The following CCNL2 variants were observed in gnomAD, a reference collection of about 807,000 sequenced individuals.
CCNL2 encodes the protein cyclin L2, also known as cyclin-L2.
Under a neutral mutation model 59.1 loss-of-function variants are expected in CCNL2, and 28 were observed. That is an observed-to-expected ratio of 0.47 (90% CI 0.35 to 0.65). CCNL2 has a LOEUF of 0.65. Ranked by LOEUF, CCNL2 falls within the 30% of genes least tolerant of loss-of-function variation. CCNL2 has a pLI of 0.00. For synonymous variants in CCNL2, 342 were observed against 288.6 expected, an observed-to-expected ratio of 1.19 and a Z score of -1.88; for missense variants, 714 against 717.4, an observed-to-expected ratio of 1.00 and a Z score of 0.05.
At chr1:1,392,532 A>G in intron 5 of CCNL2, 1 of 1,369,474 alleles carries the variant, frequency 7.3e-7, no homozygotes, top group Non-Finnish European at 9.4e-7. Flanking sequence ...TCATACAGGT[A>G]CAGCAGTTTT....
chr1:1,385,734 C>T lies in CCNL2; in HGVS notation c.*1497G>A, dbSNP rs1485349866. 1 of 152,230 alleles carries T rather than the reference C, an allele frequency of 6.6e-6. No individual in the cohort carries two copies. The highest frequency in any genetic ancestry group is 1.5e-5 in the Non-Finnish European group (1 of 68,046). The allele number at this position is 152,230 out of a possible 1,614,324, so 9.4% of individuals were successfully genotyped here. On this transcript the variant is annotated 3_prime_UTR_variant, in exon 11 of 11. Coordinates refer to ENST00000400809, the MANE Select transcript of CCNL2 (RefSeq NM_030937.6). ...TCTGGCCTTAAATGGTTCTTTATGT[C>T]ATAATAATATTTTACAATTATTTAG...
intron 8 of CCNL2, chr1:1,389,389 G>A (rs1644642772): frequency 1.3e-5 from 2 of 152,406 alleles, no homozygotes. Context: ...ACTGCAGACA[G>A]GCCCTTTGCA....
At chr1:1,398,989 T>G in intron 1 of CCNL2, 30 bp downstream of exon 1, 1 of 1,570,472 alleles carries the variant, frequency 6.4e-7, no homozygotes, top group Non-Finnish European at 8.6e-7. Flanking sequence ...AGCGGTTACC[T>G]GGGCCGGAGG....
At position 1,388,056 on chromosome 1, in the gene CCNL2, G is replaced by A; in HGVS notation, c.1016C>T (p.Pro339Leu). The change falls in exon 9 of 11, where the codon CCC becomes CTC. Residue 339 changes from proline to leucine, a missense_variant. This residue lies in a region of CCNL2 where 403 missense variants were observed against 377.7 expected (regional missense o/e 1.07). Transcript: ENST00000400809. ...FSPAPKLVESPKEGKGSKPSP... is the reference protein window; with the variant it reads ...FSPAPKLVESLKEGKGSKPSP... ...AGGCTTGCTCCCTTTACCTTCTTTG[G>A]GGGATTCCACTAGAATCAGAACAAG... 6.2e-7 allele frequency: 1 copy of A among 1,613,064 alleles called. No individual in the cohort carries two copies. The highest frequency in any genetic ancestry group is 8.5e-7 in the Non-Finnish European group (1 of 1,179,304).
At chr1:1,391,090 A>AT in intron 5 of CCNL2, 3 of 1,094,368 alleles carry the variant, frequency 2.7e-6, no homozygotes, top group South Asian at 2.6e-5. Context: ...AGAAATTATT[A>AT]GAAAAAAAAA....
In CCNL2 at chr1:1,388,062, T is replaced by C. The variant is rs1190159400; in HGVS notation, c.1010A>G (p.Glu337Gly). The change falls in exon 9 of 11, where the codon GAA becomes GGA. Residue 337 changes from glutamate (E) to glycine (G), a missense_variant. Physicochemically the swap from Glu to Gly is moderately conservative, Grantham distance 98. Around this residue, in one of 5 missense-constraint regions of CCNL2, gnomAD observed 403 missense variants for 377.7 expected, o/e 1.07. Transcript: ENST00000400809. ...SGFSPAPKLV[E>G]SPKEGKGSKP... ...GCTCCCTTTACCTTCTTTGGGGGAT[T>C]CCACTAGAATCAGAACAAGAGGTTA... 1 of 1,611,826 alleles carries C rather than the reference T, an allele frequency of 6.2e-7. No homozygotes were observed. The highest frequency in any genetic ancestry group is 8.5e-7 in the Non-Finnish European group (1 of 1,178,212).
At chr1:1,397,401 C>G (rs1474830848) in intron 3 of CCNL2, among the ~76,000 whole-genome samples, 1 of 152,142 alleles carries the variant, frequency 6.6e-6, no homozygotes, top group Non-Finnish European at 1.5e-5. Context: ...CTCAAGCAAA[C>G]CTCCTTTTTC....
chr1:1,390,698 TA>T, intron 6 of CCNL2, 67 bp downstream of exon 6: 8 of 1,523,836 alleles, frequency 5.2e-6, no homozygotes, highest in Non-Finnish European at 7.3e-6. Context: ...AATAACACAG[TA>T]AAGTTTACTG....
chr1:1,391,498 G>A, intron 5 of CCNL2: 3 of 1,295,968 alleles, frequency 2.3e-6, no homozygotes, highest in Non-Finnish European at 3.0e-6. Context: ...TCGTGCGGAG[G>A]GAGACTCCGC....
intron 5 of CCNL2, 127 bp from the exon 6 acceptor site, chr1:1,390,992 G>T: frequency 1.1e-6 from 1 of 909,096 alleles, no homozygotes; most frequent in Non-Finnish European, 1.7e-6. Flanking sequence ...AGGACTCAGA[G>T]CTAGACAGTC....
intron 4 of CCNL2, 63 bp downstream of exon 4, chr1:1,395,331 G>A (rs35958729): frequency 1.9e-6 from 3 of 1,589,476 alleles, no homozygotes; most frequent in Non-Finnish European, 2.6e-6. Flanking sequence ...CTGAGGTGGA[G>A]AGAGGCGGCC....
chr1:1,387,149 G>A lies in CCNL2; in HGVS notation c.*82C>T, dbSNP rs1192309755. 17 of 1,170,360 alleles carry A rather than the reference G, an allele frequency of 1.5e-5. No individual in the cohort carries two copies. Among genetic ancestry groups the A allele is most frequent in the Non-Finnish European group, 1.8e-5 (15 of 819,300 alleles). 72.5% of individuals were successfully genotyped at this position (1,170,360 alleles called of 1,614,324 possible). A position where few individuals can be genotyped will look rare whatever the true frequency, so the allele number is the denominator to read the frequency against. On this transcript the variant is annotated 3_prime_UTR_variant, in exon 11 of 11. Coordinates refer to ENST00000400809, the MANE Select transcript of CCNL2 (RefSeq NM_030937.6). ...GCTGAGAGCACACCCGGGGGTCAAAGGGCAGCCACCGGGGGTCAAAGGGCA... is the reference window on the plus strand; with the variant it reads ...GCTGAGAGCACACCCGGGGGTCAAAAGGCAGCCACCGGGGGTCAAAGGGCA...
At chr1:1,396,112 G>A (rs1471582992) in intron 3 of CCNL2, among the ~76,000 whole-genome samples, 1 of 150,232 alleles carries the variant, frequency 6.7e-6, no homozygotes, top group Non-Finnish European at 1.5e-5. Context: ...CCAGGAGGCG[G>A]AGGTTTCAGT....
In CCNL2 at chr1:1,387,438, G is replaced by C; in HGVS notation, c.1356C>G (p.Cys452Trp). 1 of 1,613,800 alleles carries C rather than the reference G, an allele frequency of 6.2e-7. No homozygotes were observed. Among genetic ancestry groups the C allele is most frequent in the Non-Finnish European group, 8.5e-7 (1 of 1,180,010 alleles). Residue 452 changes from cysteine (C) to tryptophan (W), a missense_variant, in exon 11 of 11, where the codon TGC (cysteine) becomes TGG (tryptophan). Coordinates refer to ENST00000400809, the MANE Select transcript of CCNL2 (RefSeq NM_030937.6). ...ACTTGTGTGGCTTCTGGGGGTACTT[G>C]CAGTCCTTGGACTTCCGGGAGCCCC... ...EIRGSRKSKD[C>W]KYPQKPHKSR...
chr1:1,388,563 G>A (rs1569893917), intron 8 of CCNL2: 10 of 336,142 alleles, frequency 3.0e-5, no homozygotes, highest in Admixed American at 2.0e-4. Flanking sequence ...ATGTGAGTGT[G>A]TGTCTCTCTC....
Position 1,399,236 on chromosome 1 carries a change from C to T in CCNL2, c.71G>A (p.Gly24Glu). Residue 24 changes from glycine (G) to glutamate (E), a missense_variant, in exon 1 of 11, where the codon GGA becomes GAA. Coordinates refer to ENST00000400809, the MANE Select transcript of CCNL2 (RefSeq NM_030937.6). ...CGACCCTGAGGGTGCGCCCCCAGATCCCGGGGCGCCGGCCGCTGCCGCGGG... is the reference window on the plus strand; with the variant it reads ...CGACCCTGAGGGTGCGCCCCCAGATTCCGGGGCGCCGGCCGCTGCCGCGGG... Reference protein sequence around the residue: ...AAPAAAAGAPGSGGAPSGSQG... With the variant: ...AAPAAAAGAPESGGAPSGSQG... 2 of 1,592,872 alleles carry T rather than the reference C, an allele frequency of 1.3e-6. No homozygotes were observed. The highest frequency in any genetic ancestry group is 2.4e-5 in the East Asian group (1 of 42,324).
rs370863686 is a variant in CCNL2, at chr1:1,398,625, G to C, written c.335C>G (p.Thr112Ser). 40 of 1,613,918 alleles carry C rather than the reference G, an allele frequency of 2.5e-5. No homozygotes were observed. In the African/African-American group the frequency reaches 4.8e-4, roughly 19 times the overall value. Residue 112 changes from threonine (T) to serine (S), a missense_variant, in exon 2 of 11, where the codon ACC (threonine) becomes AGC (serine). Around this residue, in one of 5 missense-constraint regions of CCNL2, gnomAD observed 270 missense variants for 254.9 expected, o/e 1.06. Transcript: ENST00000400809. ...GQVLFQRFFY[T>S]KSFVKHSMEH... is the part of the protein sequence containing the mutation. ...CATGGAGTGCTTCACGAAGGACTTG[G>C]TATAAAAGAACCGCTGGAACAACAC...
intron 3 of CCNL2, among the ~76,000 whole-genome samples, 183 bp downstream of exon 3, chr1:1,398,048 TAC>T (rs1462361852): frequency 7.2e-5 from 11 of 152,214 alleles, no homozygotes; most frequent in Admixed American, 6.5e-4. Context: ...CCCCTGCCCT[TAC>T]TAAACCGCAT....
In CCNL2 at chr1:1,395,407, T is replaced by C; in HGVS notation, c.581A>G (p.Lys194Arg). 1 of 1,614,200 alleles carries C rather than the reference T, an allele frequency of 6.2e-7. No homozygotes were observed. The highest frequency in any genetic ancestry group is 8.5e-7 in the Non-Finnish European group (1 of 1,180,026). Reference sequence around the variant, plus strand: ...CCGCACACCCACCTTATGAGGATGCTTCACATGGACGCAGAAACCCAACTC... The same window carrying C: ...CCGCACACCCACCTTATGAGGATGCCTCACATGGACGCAGAAACCCAACTC... ...LKELGFCVHV[K>R]HPHKIIVMYL... The change falls in exon 4 of 11, where the codon AAG becomes AGG. Residue 194 changes from lysine (K) to arginine (R), a missense_variant. Transcript: ENST00000400809.
Sources: allele counts gnomAD v4.1 joint callset (sites outside exome capture counted in the v4.1 genomes callset), GRCh38; gene constraint gnomAD v4.1.1; regional missense constraint gnomAD v4.1.1; transcripts MANE v1.5; gene names NCBI Gene and HGNC (gene_info 2026-07-23, HGNC 2026-07-21).